Variants in NEK2 observed in about 807,000 individuals in gnomAD.
The protein encoded by NEK2 is NIMA related kinase 2, also known as serine/threonine-protein kinase Nek2.
A neutral mutation model predicts 54.1 loss-of-function variants in NEK2; 28 were observed. The observed-to-expected ratio is 0.52, with a 90% CI of 0.38 to 0.71. The LOEUF (loss-of-function observed/expected upper bound fraction) is 0.71, where lower values mean the gene tolerates loss of function less well. NEK2 is among the 30% of genes least tolerant of loss of function. The pLI is 0.00. For missense variants in NEK2, 407 were observed against 531.5 expected, an observed-to-expected ratio of 0.77 and a Z score of 2.30; for synonymous variants, 176 against 193.1, an observed-to-expected ratio of 0.91 and a Z score of 0.73.
intron 6 of NEK2, 102 bp downstream of exon 6, chr1:211,669,011 A>T: frequency 1.8e-6 from 2 of 1,088,504 alleles, no homozygotes; most frequent in Non-Finnish European, 1.3e-6. Context: ...AGCTTCTAAT[A>T]AGATCTGTAT....
At chr1:211,664,011 G>A (rs1435207656) in intron 7 of NEK2, among the ~76,000 whole-genome samples, 1 of 150,654 alleles carries the variant, frequency 6.6e-6, no homozygotes, top group African/African-American at 2.4e-5. Flanking sequence ...ATTCTATGCA[G>A]AACACCTTAC....
downstream of NEK2, chr1:211,660,857 T>A (rs551859462): frequency 3.1e-5 from 22 of 715,988 alleles, no homozygotes; most frequent in Admixed American, 3.2e-4. Context: ...TCCAGAAGCA[T>A]AGCATCATTG....
chr1:211,664,050 T>C (rs1160973962), intron 7 of NEK2, among the ~76,000 whole-genome samples: 1 of 144,614 alleles, frequency 6.9e-6, no homozygotes, highest in African/African-American at 2.6e-5. Context: ...GCAGAGGTTT[T>C]TTTCTGTCTT....
In NEK2 at chr1:211,667,090, A is replaced by G. The variant is rs1345304196; in HGVS notation, c.1111+16T>C. ...TTTGTAGCACCAGCTTCTGTTGACC[A>G]AGTTGATTCTCATACCTGGATTACT... On this transcript the variant is annotated intron_variant, in intron 7 of 7. Coordinates refer to ENST00000366999, the MANE Select transcript of NEK2 (RefSeq NM_002497.4). The G allele has an allele frequency of 1.9e-6, 3 of 1,613,322 alleles. No individual in the cohort carries two copies. The African/African-American group carries it at 4.0e-5, about 22-fold the overall frequency.
At chr1:211,669,393 A>G (rs1272876472) in intron 5 of NEK2, 61 bp from the exon 6 acceptor site, 1 of 1,442,022 alleles carries the variant, frequency 6.9e-7, no homozygotes, top group Non-Finnish European at 9.6e-7. Flanking sequence ...CTCCTAAGAC[A>G]GCAGTTAAAA....
At chr1:211,659,988 T>C (rs1654976315), downstream of NEK2, among the ~76,000 whole-genome samples, 1 of 151,942 alleles carries the variant, frequency 6.6e-6, no homozygotes, top group African/African-American at 2.4e-5. Context: ...CTGGCTAACT[T>C]TTAAAAAAAT....
intron 7 of NEK2, among the ~76,000 whole-genome samples, chr1:211,664,920 C>T (rs2102439652): frequency 6.6e-6 from 1 of 152,314 alleles, no homozygotes; most frequent in Middle Eastern, 3.4e-3. Context: ...GCACTACAGC[C>T]TTGGACGCCT....
rs1479392461 is a variant in NEK2 at position 211,667,179 on chromosome 1, A to G, written c.1038T>C (p.Ala346=). 6.2e-7 allele frequency: 1 copy of G among 1,613,698 alleles called. No individual in the cohort carries two copies. Among genetic ancestry groups the G allele is most frequent in the South Asian group, 1.1e-5 (1 of 91,020 alleles). Residue 346 remains alanine (A), a synonymous_variant, in exon 7 of 8, where the codon GCT becomes GCC. Transcript: ENST00000366999. ...VRERLAEDKL[A]RAENLLKNYS... ...AGTTCTTCAACAGATTTTCTGCTCT[A>G]GCCAGTTTGTCCTCTGCTAGTCTCT... is the stretch of plus-strand genomic sequence containing the variant.
At position 211,670,280 on chromosome 1, in the gene NEK2, C is replaced by T. The variant is rs777982614; in HGVS notation, c.765+1G>A. The T allele has an allele frequency of 2.5e-6, 4 of 1,608,920 alleles. No homozygotes were observed. Among genetic ancestry groups the T allele is most frequent in the Non-Finnish European group, 2.5e-6 (3 of 1,177,722 alleles). On this transcript the variant is annotated splice_donor_variant, in intron 5 of 7. Coordinates refer to ENST00000366999, the MANE Select transcript of NEK2 (RefSeq NM_002497.4). LOFTEE classifies it high-confidence loss of function. The stretch of plus-strand genomic sequence containing the variant: ...ACAATATATCATCTTATCATCTTTA[C>T]CTTTAAGTTTAACATCCTCGTAATA...
Position 211,674,460 on chromosome 1 carries a change from C to T in NEK2, c.150G>A (p.Gln50=), listed in dbSNP as rs1655512488. Residue 50 remains glutamine (Q), a synonymous_variant, in exon 2 of 8, where the codon CAG becomes CAA. Transcript: ENST00000366999. Reference sequence around the variant, plus strand: ...GCAAATTCACTTCAGAAACAAGCATCTGTTTCTCAGCTTCTGTCATGGAGC... The same window carrying T: ...GCAAATTCACTTCAGAAACAAGCATTTGTTTCTCAGCTTCTGTCATGGAGC... The part of the protein sequence containing the change: ...DYGSMTEAEK[Q]MLVSEVNLLR... The T allele has an allele frequency of 6.2e-7, 1 of 1,613,932 alleles. No individual in the cohort carries two copies. Among genetic ancestry groups the T allele is most frequent in the Non-Finnish European group, 8.5e-7 (1 of 1,179,954 alleles).
intron 4 of NEK2, among the ~76,000 whole-genome samples, chr1:211,670,655 A>G (rs1035496409): frequency 1.3e-5 from 2 of 152,050 alleles, no homozygotes; most frequent in African/African-American, 2.4e-5. Flanking sequence ...CCTGCCCTCT[A>G]CCCTCTAGAT....
Position 211,663,355 on chromosome 1 carries a change from G to A in NEK2, c.*71C>T, listed in dbSNP as rs1011367249. ...ATGGAACCAAGTATTCAACACTACA[G>A]CATTTGAATATCAGTCTTTAAAGGT... On this transcript the variant is annotated 3_prime_UTR_variant, in exon 8 of 8. Coordinates refer to ENST00000366999, the MANE Select transcript of NEK2 (RefSeq NM_002497.4). The A allele has an allele frequency of 1.9e-6, 3 of 1,540,512 alleles. 1 individual carries two copies. Among genetic ancestry groups the A allele is most frequent in the Admixed American group, 4.0e-5 (2 of 50,252 alleles).
In NEK2 at chr1:211,663,258, G is replaced by A. The variant is rs942337071; in HGVS notation, c.*168C>T. On this transcript the variant is annotated 3_prime_UTR_variant, in exon 8 of 8. Transcript: ENST00000366999. The stretch of plus-strand genomic sequence containing the variant: ...AAGAAAAATTAAATGTGAACATTTT[G>A]TACAATAGTTGCTGAAGAACAGTAA... The A allele has an allele frequency of 7.2e-7, 1 of 1,396,582 alleles. No individual in the cohort carries two copies. The highest frequency in any genetic ancestry group is 9.3e-7 in the Non-Finnish European group (1 of 1,073,454). 86.5% of individuals were successfully genotyped at this position (1,396,582 alleles called of 1,614,324 possible).
downstream of NEK2, chr1:211,660,727 A>T (rs1654998766): frequency 5.9e-6 from 4 of 680,624 alleles, no homozygotes; most frequent in East Asian, 1.3e-4. Flanking sequence ...GGGTGCTGTG[A>T]TGGGGTCCAG....
rs1655058430 is a variant in NEK2 at position 211,662,958 on chromosome 1, A to G, written c.*468T>C. ...TAAGCAAGATGTCATGGTATTAATG[A>G]CCAAATTGCATCTAACTGGGTTTTC... On this transcript the variant is annotated 3_prime_UTR_variant, in exon 8 of 8. Transcript: ENST00000366999. The surrounding 1 kb of genome is among the most constrained non-coding windows in gnomAD (Gnocchi z 4.2). 1 of 989,462 alleles carries G rather than the reference A, an allele frequency of 1.0e-6. No homozygotes were observed. Among genetic ancestry groups the G allele is most frequent in the Admixed American group, 5.8e-5 (1 of 17,138 alleles). 61.3% of individuals were successfully genotyped at this position (989,462 alleles called of 1,614,324 possible).
intron 3 of NEK2, among the ~76,000 whole-genome samples, chr1:211,672,961 T>C (rs1016867855): frequency 6.6e-6 from 1 of 151,992 alleles, no homozygotes; most frequent in Non-Finnish European, 1.5e-5. Flanking sequence ...CTTACATTAA[T>C]GCACATAACT....
At position 211,674,393 on chromosome 1, in the gene NEK2, G is replaced by C; in HGVS notation, c.217C>G (p.Arg73Gly). Residue 73 changes from arginine (R) to glycine (G), a missense_variant, in exon 2 of 8, where the codon CGG becomes GGG. Arg to Gly is a moderately radical substitution (Grantham distance 125). Transcript: ENST00000366999. ...GTTGTATTGGTCCGGTCAATAATCCGATCATAGTAACGAACGATGTTTGGA... is the reference window on the plus strand; with the variant it reads ...GTTGTATTGGTCCGGTCAATAATCCCATCATAGTAACGAACGATGTTTGGA... ...KHPNIVRYYD[R>G]IIDRTNTTLY... 6.2e-7 allele frequency: 1 copy of C among 1,614,014 alleles called. No individual in the cohort carries two copies. Among genetic ancestry groups the C allele is most frequent in the Non-Finnish European group, 8.5e-7 (1 of 1,179,942 alleles).
rs960751787 is a variant in NEK2 at position 211,672,158 on chromosome 1, C to A, written c.556-874G>T. Among the ~76,000 whole-genome samples the A allele has an allele frequency of 2.0e-5, 3 of 152,138 alleles. No homozygotes were observed. In the East Asian group the frequency reaches 5.8e-4, roughly 29 times the overall value. Reference sequence around the variant, plus strand: ...TGGAAAATCCTAGAAAGGTGAACTACTAAAATACTAACAAATATTTCTTCA... The same window carrying A: ...TGGAAAATCCTAGAAAGGTGAACTAATAAAATACTAACAAATATTTCTTCA... On this transcript the variant is annotated intron_variant, in intron 3 of 7. Coordinates refer to ENST00000366999, the MANE Select transcript of NEK2 (RefSeq NM_002497.4).
chr1:211,671,645 A>G (rs1655397276), intron 3 of NEK2, among the ~76,000 whole-genome samples: 1 of 152,250 alleles, frequency 6.6e-6, no homozygotes, highest in Non-Finnish European at 1.5e-5. Flanking sequence ...TCCACATTTA[A>G]ATGGATATAG....
Sources: allele counts gnomAD v4.1 joint callset (sites outside exome capture counted in the v4.1 genomes callset), GRCh38; gene constraint gnomAD v4.1.1; non-coding constraint Gnocchi (gnomAD v3.1); transcripts MANE v1.5; gene names NCBI Gene and HGNC (gene_info 2026-07-23, HGNC 2026-07-21).